Variants in GNG7 observed in about 807,000 individuals in gnomAD.
GNG7 encodes the protein guanine nucleotide-binding protein G(I)/G(S)/G(O) subunit gamma-7.
In GNG7, 1 loss-of-function variant was observed where a neutral mutation model predicts 4.0. The observed-to-expected ratio is 0.25, with a 90% CI of 0.09 to 1.18. The LOEUF is 1.18. Ranked by LOEUF, GNG7 falls within the 50% of genes most tolerant of loss-of-function variation. The pLI, the probability that GNG7 is intolerant of heterozygous loss-of-function variation, is 0.50. For missense variants in GNG7, 86 were observed against 91.9 expected (o/e 0.94, Z 0.26); for synonymous variants, 34 against 36.9 (o/e 0.92, Z 0.29).
At chr19:2,571,884 C>T (rs1980160137) in intron 2 of GNG7, among the ~76,000 whole-genome samples, 1 of 152,226 alleles carries the variant, frequency 6.6e-6, no homozygotes, top group East Asian at 1.9e-4. Flanking sequence ...GTGTGAGCCA[C>T]TGCGCCCGGC....
In GNG7 at chr19:2,546,065, G is replaced by A. The variant is rs1374453743; in HGVS notation, c.-38+9084C>T. On this transcript the variant is annotated intron_variant, in intron 3 of 4. Transcript: ENST00000382159. The surrounding 1 kb of genome is among the most constrained non-coding windows in gnomAD (Gnocchi z 6.3). The stretch of plus-strand genomic sequence containing the variant: ...AGAAGGCACAGGGCAACGATCAGGC[G>A]TTGATGTGTCCCCTGGCAGCTGGGA... Among the ~76,000 whole-genome samples the A allele has an allele frequency of 6.6e-6, 1 of 152,236 alleles. No homozygotes were observed. Among genetic ancestry groups the A allele is most frequent in the African/African-American group, 2.4e-5 (1 of 41,468 alleles).
At chr19:2,658,242 T>C (rs1446529588) in intron 1 of GNG7, among the ~76,000 whole-genome samples, 2 of 152,162 alleles carry the variant, frequency 1.3e-5, no homozygotes, top group African/African-American at 2.4e-5. Context: ...TTTCCCCTCA[T>C]GTTAGTATCT....
At chr19:2,598,635 C>T (rs918707649) in intron 2 of GNG7, among the ~76,000 whole-genome samples, 11 of 150,576 alleles carry the variant, frequency 7.3e-5, no homozygotes, top group Admixed American at 2.7e-4. Context: ...CCAGCCTGAG[C>T]GACAGAGCGA....
At chr19:2,591,204 G>A (rs561927374) in intron 2 of GNG7, among the ~76,000 whole-genome samples, 53 of 152,226 alleles carry the variant, frequency 3.5e-4, no homozygotes, top group Middle Eastern at 6.8e-3. Context: ...GCCGTTCCAC[G>A]CTGGAAGGCT....
chr19:2,683,966 G>A (rs1285577015), intron 1 of GNG7, among the ~76,000 whole-genome samples: 2 of 152,142 alleles, frequency 1.3e-5, no homozygotes, highest in South Asian at 2.1e-4. Context: ...CAAAAGCGAC[G>A]TCAAATGGAC....
At chr19:2,693,161 T>C (rs747596007) in intron 1 of GNG7, among the ~76,000 whole-genome samples, 66 of 151,576 alleles carry the variant, frequency 4.4e-4, no homozygotes, top group Admixed American at 2.0e-3. Flanking sequence ...CATGTGCCTG[T>C]AGTCCCAGCT....
At chr19:2,691,135 G>C (rs972256773) in intron 1 of GNG7, among the ~76,000 whole-genome samples, 10 of 152,224 alleles carry the variant, frequency 6.6e-5, no homozygotes, top group Middle Eastern at 3.4e-3. Context: ...GGAACTTTCT[G>C]TTCTTACCGC....
At chr19:2,635,727 C>T (rs550867757) in intron 2 of GNG7, among the ~76,000 whole-genome samples, 27 of 152,220 alleles carry the variant, frequency 1.8e-4, no homozygotes, top group Middle Eastern at 3.4e-3. Context: ...GGATTGCAGG[C>T]GCCCGCCACC....
chr19:2,599,439 T>G (rs888588415), intron 2 of GNG7, among the ~76,000 whole-genome samples: 2 of 151,278 alleles, frequency 1.3e-5, no homozygotes, highest in Non-Finnish European at 2.9e-5. Context: ...CCCACCCGGG[T>G]GGGTTTCCAG....
intron 2 of GNG7, among the ~76,000 whole-genome samples, chr19:2,574,905 G>T (rs947460010): frequency 1.3e-5 from 2 of 152,140 alleles, no homozygotes; most frequent in African/African-American, 4.8e-5. Flanking sequence ...TCAGCGTCCT[G>T]CCTGTTAAAT....
chr19:2,519,310 C>T (rs1317971791), intron 4 of GNG7, among the ~76,000 whole-genome samples: 1 of 151,114 alleles, frequency 6.6e-6, no homozygotes, highest in Non-Finnish European at 1.5e-5. Flanking sequence ...ACCACCATAC[C>T]CGGGTAATCT....
intron 2 of GNG7, among the ~76,000 whole-genome samples, chr19:2,589,509 C>T (rs1980777182): frequency 6.6e-6 from 1 of 151,110 alleles, no homozygotes; most frequent in Admixed American, 6.6e-5. Flanking sequence ...CATGAGCCAC[C>T]ATGCCTGGCC....
chr19:2,556,270 C>A (rs887946105), intron 2 of GNG7, among the ~76,000 whole-genome samples: 3 of 152,240 alleles, frequency 2.0e-5, no homozygotes, highest in Non-Finnish European at 4.4e-5. Context: ...TAGGGGAGGC[C>A]CCGTCCTGCC....
intron 2 of GNG7, among the ~76,000 whole-genome samples, chr19:2,588,318 G>C (rs974093380): frequency 6.6e-6 from 1 of 152,204 alleles, no homozygotes; most frequent in African/African-American, 2.4e-5. Context: ...ATCCTAATCA[G>C]CTCCCTGAGG....
rs1981659967 is a variant in GNG7, at chr19:2,614,294, T to G, written c.-78+31930A>C. 6.6e-6 allele frequency among the ~76,000 whole-genome samples: 1 copy of G among 152,194 alleles called. No homozygotes were observed. The highest frequency in any genetic ancestry group is 6.5e-5 in the Admixed American group (1 of 15,282). On this transcript the variant is annotated intron_variant, in intron 2 of 4. Coordinates refer to ENST00000382159, the MANE Select transcript of GNG7 (RefSeq NM_052847.3). The surrounding 1 kb of genome is among the most constrained non-coding windows in gnomAD (Gnocchi z 6.0). ...TGTACCCGCAGGGGGGCCCTGCACG[T>G]CGGGTCTCAGGCACATGTGTGGTGA...
chr19:2,524,982 C>T (rs1296922469), intron 3 of GNG7, among the ~76,000 whole-genome samples: 1 of 151,624 alleles, frequency 6.6e-6, no homozygotes, highest in Non-Finnish European at 1.5e-5. Flanking sequence ...ATTGCATCAC[C>T]CATGCAGTCG....
At chr19:2,588,822 T>A (rs116750143) in intron 2 of GNG7, among the ~76,000 whole-genome samples, 1,657 of 151,970 alleles carry the variant, frequency 0.011, 37 homozygotes, top group African/African-American at 0.038. Flanking sequence ...TGGCTTCTTT[T>A]CCTCCCCGAC....
At chr19:2,619,666 CAG>C (rs1981814192) in intron 2 of GNG7, among the ~76,000 whole-genome samples, 1 of 152,130 alleles carries the variant, frequency 6.6e-6, no homozygotes, top group East Asian at 1.9e-4. Flanking sequence ...GAGCCAGAGA[CAG>C]AGGGCCACGC....
At chr19:2,644,646 C>T (rs371159864) in intron 2 of GNG7, among the ~76,000 whole-genome samples, 1 of 152,170 alleles carries the variant, frequency 6.6e-6, no homozygotes, top group Non-Finnish European at 1.5e-5. Flanking sequence ...CTCCCAGTCT[C>T]GGCACCCACG....
Sources: allele counts gnomAD v4.1 joint callset (sites outside exome capture counted in the v4.1 genomes callset), GRCh38; gene constraint gnomAD v4.1.1; non-coding constraint Gnocchi (gnomAD v3.1); transcripts MANE v1.5; gene names NCBI Gene and HGNC (gene_info 2026-07-23, HGNC 2026-07-21).